PCDH11X: variants seen among roughly 807,000 people sequenced by gnomAD.
PCDH11X encodes protocadherin 11 X-linked.
A neutral mutation model predicts 53.3 loss-of-function variants in PCDH11X; 18 were observed. That is an observed-to-expected ratio of 0.34 (90% CI 0.23 to 0.50). The LOEUF is 0.50. Ranked by LOEUF, PCDH11X falls within the 20% of genes least tolerant of loss-of-function variation. PCDH11X has a pLI of 0.98. For synonymous variants in PCDH11X, 279 were observed against 393.3 expected, an observed-to-expected ratio of 0.71 and a Z score of 3.44; for missense variants, 570 against 1,032.4, an observed-to-expected ratio of 0.55 and a Z score of 6.14.
chrX:92,402,364 A>G (rs747272723), intron 9 of PCDH11X, among the ~76,000 whole-genome samples: 2 of 111,882 alleles, frequency 1.8e-5, no homozygotes, highest in South Asian at 7.5e-4. Flanking sequence ...AGGAGGCGTC[A>G]CACTGCTCTA....
intron 10 of PCDH11X, among the ~76,000 whole-genome samples, chrX:92,586,784 A>G (rs1251463583): frequency 9.0e-6 from 1 of 111,665 alleles, no homozygotes; most frequent in Non-Finnish European, 1.9e-5. Context: ...TTCACAGATT[A>G]TCCCCAACAA....
At chrX:92,551,145 T>C (rs1164425332) in intron 10 of PCDH11X, among the ~76,000 whole-genome samples, 2 of 110,701 alleles carry the variant, frequency 1.8e-5, no homozygotes, top group Non-Finnish European at 3.8e-5. Context: ...ATTTTTGTTT[T>C]TTTGAAAAAA....
chrX:92,486,876 A>G (rs2148679944), intron 10 of PCDH11X, among the ~76,000 whole-genome samples: 1 of 107,604 alleles, frequency 9.3e-6, no homozygotes, highest in East Asian at 3.0e-4. Context: ...CTTTTTAGAG[A>G]TAATGTATTG....
chrX:92,547,470 TA>T (rs2074875054), intron 10 of PCDH11X, among the ~76,000 whole-genome samples: 1 of 110,037 alleles, frequency 9.1e-6, no homozygotes, highest in South Asian at 3.9e-4. Context: ...ATTGTAATCT[TA>T]GAAAAAAAAA....
chrX:91,807,813 C>T (rs1414889405), intron 1 of PCDH11X, among the ~76,000 whole-genome samples: 2 of 110,258 alleles, frequency 1.8e-5, no homozygotes, highest in Non-Finnish European at 3.8e-5. Flanking sequence ...GGAAAAAACA[C>T]TTATTTCAAT....
intron 6 of PCDH11X, among the ~76,000 whole-genome samples, chrX:91,898,771 A>G (rs969885670): frequency 9.2e-6 from 1 of 108,664 alleles, no homozygotes; most frequent in African/African-American, 3.4e-5. Flanking sequence ...ATGGCATTAA[A>G]TACTATTAAA....
intron 6 of PCDH11X, among the ~76,000 whole-genome samples, chrX:91,957,154 T>A (rs1487275123): frequency 9.0e-6 from 1 of 111,123 alleles, no homozygotes; most frequent in Non-Finnish European, 1.9e-5. Context: ...TACCAATTCC[T>A]GTGTTGTTTT....
intron 10 of PCDH11X, among the ~76,000 whole-genome samples, chrX:92,544,385 A>T (rs1461474447): frequency 1.8e-5 from 2 of 111,961 alleles, no homozygotes; most frequent in Non-Finnish European, 3.8e-5. Flanking sequence ...AAGAGAAATT[A>T]TTCACTATGT....
chrX:92,178,648 T>G (rs1325140884), intron 6 of PCDH11X, among the ~76,000 whole-genome samples: 1 of 111,833 alleles, frequency 8.9e-6, no homozygotes, highest in Non-Finnish European at 1.9e-5. Context: ...GATTTAAAGC[T>G]TATTGAATAA....
chrX:91,846,088 T>G (rs1438055248), intron 5 of PCDH11X, among the ~76,000 whole-genome samples: 3 of 111,800 alleles, frequency 2.7e-5, no homozygotes, highest in Non-Finnish European at 5.6e-5. Flanking sequence ...GATTTCTTTC[T>G]GAAATAATGT....
chrX:92,413,633 C>A (rs1240347837), intron 9 of PCDH11X, among the ~76,000 whole-genome samples: 6 of 107,343 alleles, frequency 5.6e-5, no homozygotes, highest in African/African-American at 2.1e-4. Context: ...GAAAGAAAAT[C>A]TTTATTTCCA....
intron 6 of PCDH11X, among the ~76,000 whole-genome samples, chrX:91,954,320 T>C (rs143600544): frequency 0.1 from 11,283 of 111,197 alleles, 634 homozygotes; most frequent in African/African-American, 0.2. Context: ...TAGTATTCCA[T>C]GGTGTATATG....
intron 10 of PCDH11X, among the ~76,000 whole-genome samples, chrX:92,541,005 G>C (rs1166308553): frequency 9.1e-6 from 1 of 110,044 alleles, no homozygotes; most frequent in Non-Finnish European, 1.9e-5. Context: ...CACTGACTTG[G>C]CTTGGAAAAG....
intron 10 of PCDH11X, among the ~76,000 whole-genome samples, chrX:92,501,317 A>G (rs1313445100): frequency 9.0e-6 from 1 of 111,681 alleles, no homozygotes; most frequent in Non-Finnish European, 1.9e-5. Context: ...AGCTGGTTTC[A>G]TTCCTACTAA....
intron 10 of PCDH11X, among the ~76,000 whole-genome samples, chrX:92,611,467 G>A (rs1329518688): frequency 9.1e-6 from 1 of 109,459 alleles, no homozygotes; most frequent in African/African-American, 3.3e-5. Context: ...AATCTTTTGT[G>A]TTCCAGGAGC....
At chrX:92,468,466 A>G in intron 10 of PCDH11X, 144 bp downstream of exon 10, 1 of 502,379 alleles carries the variant, frequency 2.0e-6, no homozygotes, top group East Asian at 4.5e-5. Flanking sequence ...TGATACATTT[A>G]AAATATCTGA....
chrX:91,960,639 G>T (rs1420224167), intron 6 of PCDH11X, among the ~76,000 whole-genome samples: 4 of 111,072 alleles, frequency 3.6e-5, no homozygotes, highest in Non-Finnish European at 5.7e-5. Context: ...GGCCAGGCTG[G>T]TCTTGAACTC....
chrX:92,166,857 C>T (rs2065741071), intron 6 of PCDH11X, among the ~76,000 whole-genome samples: 1 of 111,250 alleles, frequency 9.0e-6, no homozygotes, highest in Admixed American at 9.7e-5. Flanking sequence ...ATCACAATGC[C>T]ACTCCACTCC....
chrX:92,299,097 C>T (rs768819661), intron 8 of PCDH11X, among the ~76,000 whole-genome samples: 1 of 110,774 alleles, frequency 9.0e-6, no homozygotes, highest in African/African-American at 3.3e-5. Flanking sequence ...TCCTTTAGTC[C>T]CCAATAAAGC....
Sources: gnomAD v4.1 joint callset for allele counts (sites outside exome capture counted in the v4.1 genomes callset) on GRCh38, gnomAD v4.1.1 for gene constraint, MANE v1.5 for transcripts, NCBI Gene and HGNC (gene_info 2026-07-23, HGNC 2026-07-21) for gene names.